LY9: variants seen among roughly 807,000 people sequenced by gnomAD.
The protein encoded by LY9 is lymphocyte antigen 9, also known as T-lymphocyte surface antigen Ly-9.
A neutral mutation model predicts 64.6 loss-of-function variants in LY9; 59 were observed. That is an observed-to-expected ratio of 0.91 (90% CI 0.74 to 1.13). The LOEUF (loss-of-function observed/expected upper bound fraction) is 1.13. Among genes scored for constraint, LY9 ranks in the 50% most tolerant of loss-of-function variants. The pLI, the probability that LY9 is intolerant of heterozygous loss-of-function variation, is 0.00. For missense variants in LY9, 789 were observed against 797.2 expected, an observed-to-expected ratio of 0.99 and a Z score of 0.12; for synonymous variants, 281 against 308.5, an observed-to-expected ratio of 0.91 and a Z score of 0.93.
At chr1:160,808,031 G>T in intron 2 of LY9, among the ~76,000 whole-genome samples, 1 of 152,128 alleles carries the variant, frequency 6.6e-6, no homozygotes, top group East Asian at 1.9e-4. Context: ...AGAAGGTGAG[G>T]CCAGGTTCAG....
At chr1:160,801,728 T>C (rs982908491) in intron 2 of LY9, 4 of 1,307,576 alleles carry the variant, frequency 3.1e-6, no homozygotes, top group Admixed American at 3.5e-5. Context: ...GGAGGTTTTT[T>C]ATATGATGAG....
At chr1:160,801,934 G>A (rs1666526930) in intron 2 of LY9, 2 of 1,611,716 alleles carry the variant, frequency 1.2e-6, no homozygotes, top group Non-Finnish European at 1.7e-6. Flanking sequence ...GCCCCCACCT[G>A]CCACTGGAGA....
chr1:160,827,634 A>G (rs1370864233), intron 9 of LY9, 114 bp from the exon 10 acceptor site: 13 of 741,622 alleles, frequency 1.8e-5, no homozygotes, highest in Non-Finnish European at 2.8e-5. Flanking sequence ...AGCACATATG[A>G]CTCTACTTCT....
At position 160,815,025 on chromosome 1, in the gene LY9, G is replaced by C; in HGVS notation, c.1072+264G>C. On this transcript the variant is annotated intron_variant, in intron 4 of 9. Coordinates refer to ENST00000263285, the MANE Select transcript of LY9 (RefSeq NM_002348.4). ...CACCCAACTTTAGGTGCTTGCCCCG[G>C]TCCTTCTGCACTGAGTGTCAGAAGG... is the stretch of plus-strand genomic sequence containing the variant. 1.2e-5 allele frequency: 6 copies of C among 506,844 alleles called. No individual in the cohort carries two copies. The South Asian group carries it at 1.4e-4, about 12-fold the overall frequency. 31.4% of individuals were successfully genotyped at this position (506,844 alleles called of 1,614,324 possible).
At chr1:160,801,733 G>T in intron 2 of LY9, 2 of 1,339,800 alleles carry the variant, frequency 1.5e-6, no homozygotes, top group South Asian at 2.4e-5. Flanking sequence ...TTTTTTATAT[G>T]ATGAGAAATA....
chr1:160,811,938 C>G (rs920338448), intron 2 of LY9: 2 of 152,186 alleles, frequency 1.3e-5, no homozygotes, highest in African/African-American at 4.8e-5. Context: ...CTTCCAATCT[C>G]CACCCATCAG....
rs546153289 is a variant in LY9 at position 160,807,590 on chromosome 1, C to T, written c.455-6046C>T. On this transcript the variant is annotated intron_variant, in intron 2 of 9. Coordinates refer to ENST00000263285, the MANE Select transcript of LY9 (RefSeq NM_002348.4). ...CAGCAGTGGACTGAAGGGTGGTGAG[C>T]AGGCTCTCAGGCCCCCTGGCAGTCA... 1.2e-4 allele frequency among the ~76,000 whole-genome samples: 19 copies of T among 152,270 alleles called. 1 individual carries two copies. The highest frequency in any genetic ancestry group is 3.4e-4 in the African/African-American group (14 of 41,544).
intron 2 of LY9, chr1:160,812,276 C>T (rs1667534725): frequency 6.6e-6 from 1 of 152,152 alleles, no homozygotes; most frequent in Non-Finnish European, 1.5e-5. Flanking sequence ...AGACTAGGGC[C>T]CACCCTAATG....
At chr1:160,800,920 C>T (rs1258094659) in intron 2 of LY9, among the ~76,000 whole-genome samples, 2 of 152,200 alleles carry the variant, frequency 1.3e-5, no homozygotes, top group African/African-American at 4.8e-5. Flanking sequence ...TGTATAAATA[C>T]ATGTATGTAT....
rs750485556 is a variant in LY9, at chr1:160,799,954, T to C, written c.326T>C (p.Ile109Thr). The C allele has an allele frequency of 1.2e-6, 2 of 1,614,136 alleles. No individual in the cohort carries two copies. The change falls in exon 2 of 10, where the codon ATC (isoleucine) becomes ACC (threonine). Residue 109 changes from isoleucine to threonine, a missense_variant. Ile to Thr is a moderately conservative substitution (Grantham distance 89). Transcript: ENST00000263285. ...MVKSYLGRLDITKWSYSLCIS... is the reference protein window; with the variant it reads ...MVKSYLGRLDTTKWSYSLCIS... Reference sequence around the variant, plus strand: ...AAAAGCTACCTGGGCCGACTAGACATCACCAAGTGGAGTTACTCCCTGTGC... The same window carrying C: ...AAAAGCTACCTGGGCCGACTAGACACCACCAAGTGGAGTTACTCCCTGTGC...
At chr1:160,817,822 G>GT (rs1668075879) in intron 5 of LY9, among the ~76,000 whole-genome samples, 1 of 152,186 alleles carries the variant, frequency 6.6e-6, no homozygotes, top group Non-Finnish European at 1.5e-5. Context: ...ATCTGACAAT[G>GT]TTGGGTCAGA....
chr1:160,824,037 C>A, intron 8 of LY9, 144 bp from the exon 9 acceptor site: 1 of 972,394 alleles, frequency 1.0e-6, no homozygotes, highest in Non-Finnish European at 1.6e-6. Flanking sequence ...GAACCAGAGG[C>A]ACCGTCCCCA....
chr1:160,804,770 C>T (rs762386293), intron 2 of LY9, among the ~76,000 whole-genome samples: 3 of 152,046 alleles, frequency 2.0e-5, no homozygotes, highest in Admixed American at 6.6e-5. Context: ...CACTACTTGT[C>T]GTTGGTGTCT....
intron 8 of LY9, 84 bp from the exon 9 acceptor site, chr1:160,824,097 T>A: frequency 1.3e-6 from 2 of 1,547,776 alleles, no homozygotes; most frequent in Non-Finnish European, 1.8e-6. Context: ...AGCCAGGGGG[T>A]ATCCCCTCTC....
chr1:160,811,835 T>C (rs1667499884), intron 2 of LY9: 1 of 152,252 alleles, frequency 6.6e-6, no homozygotes, highest in African/African-American at 2.4e-5. Flanking sequence ...ATTTTCTTTC[T>C]GAGTGCTCAC....
intron 5 of LY9, among the ~76,000 whole-genome samples, chr1:160,817,741 G>T (rs961107675): frequency 2.0e-5 from 3 of 152,158 alleles, no homozygotes; most frequent in South Asian, 4.1e-4. Context: ...ATAAAAGCTG[G>T]TTTCGAACCC....
At position 160,813,669 on chromosome 1, in the gene LY9, C is replaced by T. The variant is rs1475702551; in HGVS notation, c.488C>T (p.Ser163Phe). The T allele has an allele frequency of 1.9e-6, 3 of 1,613,960 alleles. No individual in the cohort carries two copies. In the African/African-American group the frequency reaches 4.0e-5, roughly 22 times the overall value. Residue 163 changes from serine to phenylalanine, a missense_variant, in exon 3 of 10, where the codon TCT (serine) becomes TTT (phenylalanine). Transcript: ENST00000263285. ...CAGGAGCCCCAAGTCACCATGAAGT[C>T]TGTGAAGGTGTCTGAGAACTTCTCC... ...QLQEPQVTMKSVKVSENFSCN... is the reference protein window; with the variant it reads ...QLQEPQVTMKFVKVSENFSCN...
chr1:160,819,182 G>T, intron 6 of LY9, 139 bp from the exon 7 acceptor site: 2 of 705,892 alleles, frequency 2.8e-6, no homozygotes. Flanking sequence ...CTTCTCATCA[G>T]GGTTCATCCT....
At chr1:160,813,600 G>T (rs751074471) in intron 2 of LY9, 36 bp from the exon 3 acceptor site, 7 of 1,590,792 alleles carry the variant, frequency 4.4e-6, no homozygotes, top group Non-Finnish European at 5.1e-6. Context: ...GCTGGCAAAA[G>T]GATCTGAGCA....
Sources: gnomAD v4.1 joint callset for allele counts (sites outside exome capture counted in the v4.1 genomes callset) on GRCh38, gnomAD v4.1.1 for gene constraint, MANE v1.5 for transcripts, NCBI Gene and HGNC (gene_info 2026-07-23, HGNC 2026-07-21) for gene names.